SPI1: variants seen among roughly 807,000 people sequenced by gnomAD.
The protein encoded by SPI1 is transcription factor PU.1.
Under a neutral mutation model 30.7 loss-of-function variants are expected in SPI1, and 3 were observed. That is an observed-to-expected ratio of 0.10 (90% CI 0.04 to 0.25). The LOEUF (loss-of-function observed/expected upper bound fraction) is 0.25. Among genes scored for constraint, SPI1 ranks in the 10% least tolerant of loss-of-function variants. The pLI is 1.00. For synonymous variants in SPI1, 169 were observed against 157.1 expected, an observed-to-expected ratio of 1.08 and a Z score of -0.56; for missense variants, 261 against 371.5, an observed-to-expected ratio of 0.70 and a Z score of 2.45.
intron 4 of SPI1, among the ~76,000 whole-genome samples, chr11:47,356,846 G>A (rs573246669): frequency 1.1e-4 from 16 of 143,134 alleles, no homozygotes; most frequent in Admixed American, 8.4e-4. Context: ...AGCCCCACAC[G>A]CACACACCTG....
At chr11:47,356,173 T>G (rs1367768358) in intron 4 of SPI1, among the ~76,000 whole-genome samples, 1 of 146,150 alleles carries the variant, frequency 6.8e-6, no homozygotes, top group Non-Finnish European at 1.5e-5. Context: ...CACTGTCACT[T>G]TCTCACACAC....
chr11:47,376,534 C>T (rs1174055821), intron 1 of SPI1, among the ~76,000 whole-genome samples: 1 of 152,026 alleles, frequency 6.6e-6, no homozygotes. Context: ...TCCTCCCTAT[C>T]CTCCTCCTTC....
chr11:47,358,338 A>G, intron 4 of SPI1: 1 of 580,570 alleles, frequency 1.7e-6, no homozygotes, highest in Non-Finnish European at 3.1e-6. Flanking sequence ...TACCATGCTC[A>G]CATCCCTGCT....
intron 4 of SPI1, among the ~76,000 whole-genome samples, chr11:47,356,924 C>A (rs867824060): frequency 3.6e-4 from 49 of 135,440 alleles, no homozygotes; most frequent in Admixed American, 4.7e-4. Flanking sequence ...GCTCACACAC[C>A]TCACACCATT....
intron 2 of SPI1, among the ~76,000 whole-genome samples, chr11:47,369,751 A>T (rs2095933196): frequency 6.6e-6 from 1 of 152,240 alleles, no homozygotes; most frequent in Non-Finnish European, 1.5e-5. Context: ...CCAAACTATG[A>T]TTAATTAAGT....
intron 2 of SPI1, among the ~76,000 whole-genome samples, chr11:47,366,831 A>AGAAAAG (rs768407943): frequency 2.3e-5 from 2 of 85,606 alleles, no homozygotes; most frequent in Non-Finnish European, 7.3e-5. Context: ...CAAAAAGAAA[A>AGAAAAG]GAAAAGAAAA....
chr11:47,355,666 G>T (rs2095907071), intron 4 of SPI1, 120 bp from the exon 5 acceptor site: 2 of 792,574 alleles, frequency 2.5e-6, no homozygotes, highest in African/African-American at 1.8e-5. Context: ...GGGAACGGCT[G>T]CCCCAGCCCG....
At chr11:47,355,623 G>C in intron 4 of SPI1, 77 bp from the exon 5 acceptor site, 1 of 1,299,090 alleles carries the variant, frequency 7.7e-7, no homozygotes, top group South Asian at 1.5e-5. Context: ...CGTACGCACA[G>C]GGGCCCGGGG....
intron 4 of SPI1, 74 bp from the exon 5 acceptor site, chr11:47,355,620 A>T: frequency 7.5e-7 from 1 of 1,332,498 alleles, no homozygotes; most frequent in Non-Finnish European, 1.0e-6. Flanking sequence ...TTGCGTACGC[A>T]CAGGGGCCCG....
chr11:47,356,626 T>A (rs1365755747), intron 4 of SPI1, among the ~76,000 whole-genome samples: 1 of 151,194 alleles, frequency 6.6e-6, no homozygotes, highest in African/African-American at 2.4e-5. Context: ...TGCTTACACA[T>A]GCTTGCACAA....
chr11:47,356,102 A>T (rs572313270), intron 4 of SPI1, among the ~76,000 whole-genome samples: 1 of 150,410 alleles, frequency 6.6e-6, no homozygotes, highest in South Asian at 2.1e-4. Flanking sequence ...CAATGCACCC[A>T]AACGCCAGAT....
At chr11:47,356,609 T>C (rs1384589513) in intron 4 of SPI1, among the ~76,000 whole-genome samples, 1 of 150,676 alleles carries the variant, frequency 6.6e-6, no homozygotes, top group African/African-American at 2.5e-5. Context: ...TCACACCTGC[T>C]TATACTTGCT....
At chr11:47,371,216 T>C (rs1310894126) in intron 2 of SPI1, among the ~76,000 whole-genome samples, 3 of 149,942 alleles carry the variant, frequency 2.0e-5, no homozygotes, top group African/African-American at 7.4e-5. Flanking sequence ...AAAAACTAGC[T>C]GGGCATGGTG....
chr11:47,368,857 A>G (rs888212591), intron 2 of SPI1, among the ~76,000 whole-genome samples: 24 of 152,238 alleles, frequency 1.6e-4, no homozygotes, highest in African/African-American at 5.8e-4. Context: ...TAACGTGAAT[A>G]TATTTAATAT....
Position 47,355,530 on chromosome 11 carries a change from G to T in SPI1, c.510C>A (p.Ile170=), listed in dbSNP as rs1443116093. The part of the protein sequence containing the change: ...LPGETGSKKK[I]RLYQFLLDLL... Reference sequence around the variant, plus strand: ...GGTCCAACAGGAACTGGTACAGGCGGATCTTCTTCTTGCTGCCTGCGGGGG... The same window carrying T: ...GGTCCAACAGGAACTGGTACAGGCGTATCTTCTTCTTGCTGCCTGCGGGGG... Residue 170 remains isoleucine, a synonymous_variant, in exon 5 of 5, where the codon ATC becomes ATA. Transcript: ENST00000378538. 2.5e-6 allele frequency: 4 copies of T among 1,583,416 alleles called. No individual in the cohort carries two copies. Among genetic ancestry groups the T allele is most frequent in the Admixed American group, 1.7e-5 (1 of 57,414 alleles).
At chr11:47,365,952 T>C (rs1037948865) in intron 2 of SPI1, among the ~76,000 whole-genome samples, 1 of 152,148 alleles carries the variant, frequency 6.6e-6, no homozygotes, top group Admixed American at 6.5e-5. Flanking sequence ...GCCTTGGCCT[T>C]CCAAAGTGCT....
intron 2 of SPI1, among the ~76,000 whole-genome samples, chr11:47,361,224 C>T (rs762237078): frequency 1.2e-4 from 18 of 152,356 alleles, no homozygotes; most frequent in Admixed American, 2.0e-4. Flanking sequence ...CACACACTCA[C>T]ACAGCCTTGT....
chr11:47,366,024 A>G (rs1036574704), intron 2 of SPI1, among the ~76,000 whole-genome samples: 1 of 152,034 alleles, frequency 6.6e-6, no homozygotes, highest in Non-Finnish European at 1.5e-5. Context: ...GAGTACTTTT[A>G]TCCACCTGAC....
At position 47,359,111 on chromosome 11, in the gene SPI1, G is replaced by A. The variant is rs2095916835; in HGVS notation, c.331-105C>T. On this transcript the variant is annotated intron_variant, in intron 3 of 4. Transcript: ENST00000378538. The surrounding 1 kb of genome is among the most constrained non-coding windows in gnomAD (Gnocchi z 5.1). ...GAGAGAAGGAGTGCAGAGGGCAGGG[G>A]ACAATGGCAGGCACAGGAGACTGGA... is the stretch of plus-strand genomic sequence containing the variant. 10 of 1,054,720 alleles carry A rather than the reference G, an allele frequency of 9.5e-6. No individual in the cohort carries two copies. The highest frequency in any genetic ancestry group is 1.7e-5 in the South Asian group (1 of 58,814). The allele number at this position is 1,054,720 out of a possible 1,614,324, so 65.3% of individuals were successfully genotyped here.
Sources: allele counts gnomAD v4.1 joint callset (sites outside exome capture counted in the v4.1 genomes callset), GRCh38; gene constraint gnomAD v4.1.1; non-coding constraint Gnocchi (gnomAD v3.1); transcripts MANE v1.5; gene names NCBI Gene and HGNC (gene_info 2026-07-23, HGNC 2026-07-21).